TBC1D32: variants seen among roughly 807,000 people sequenced by gnomAD.
TBC1D32 encodes TBC1 domain family member 32, also known as protein broad-minded.
TBC1D32 carries 151 observed loss-of-function variants against 170.3 expected under a neutral mutation model. That is an observed-to-expected ratio of 0.89 (90% CI 0.78 to 1.01). The LOEUF is 1.01. Among genes scored for constraint, TBC1D32 ranks in the 50% least tolerant of loss-of-function variants. The probability of loss-of-function intolerance (pLI) is 0.00; values close to 1 mark genes in which losing one functional copy is unlikely to be tolerated. For synonymous variants in TBC1D32, 498 were observed against 488.0 expected (o/e 1.02, Z -0.27); for missense variants, 1,464 against 1,457.1 (o/e 1.00, Z -0.08).
Position 121,115,219 on chromosome 6 carries a change from A to G in TBC1D32, c.3006T>C (p.Asn1002=). 6.2e-7 allele frequency: 1 copy of G among 1,600,656 alleles called. No individual in the cohort carries two copies. Among genetic ancestry groups the G allele is most frequent in the Non-Finnish European group, 8.5e-7 (1 of 1,171,934 alleles). The change falls in exon 27 of 32, where the codon AAT becomes AAC. Residue 1002 remains asparagine (N), a synonymous_variant. Transcript: ENST00000398212. ...EYTATDANVK[N]ESLSSVQQLG... is the part of the protein sequence containing the mutation. Reference sequence around the variant, plus strand: ...GCTGCTGCACAGATGAAAGACTTTCATTCTTCACATTTGCATCAGTAGCTA... The same window carrying G: ...GCTGCTGCACAGATGAAAGACTTTCGTTCTTCACATTTGCATCAGTAGCTA...
chr6:121,213,543 T>C, intron 21 of TBC1D32, among the ~76,000 whole-genome samples: 1 of 104,204 alleles, frequency 9.6e-6, no homozygotes, highest in Admixed American at 9.5e-5. Context: ...TAAAATAAAA[T>C]AAAATAAAAT....
At chr6:121,103,683 T>C (rs1434360688) in intron 30 of TBC1D32, among the ~76,000 whole-genome samples, 2 of 151,844 alleles carry the variant, frequency 1.3e-5, no homozygotes, top group South Asian at 2.1e-4. Flanking sequence ...TGTATACATA[T>C]ATAACAAACC....
At chr6:121,320,819 T>G (rs894172485) in intron 2 of TBC1D32, among the ~76,000 whole-genome samples, 2 of 152,176 alleles carry the variant, frequency 1.3e-5, no homozygotes, top group African/African-American at 4.8e-5. Context: ...ATACAGTCAT[T>G]AATATAAGCT....
intron 28 of TBC1D32, 37 bp from the exon 29 acceptor site, chr6:121,112,696 G>A (rs1452932804): frequency 4.1e-6 from 6 of 1,453,276 alleles, no homozygotes; most frequent in Non-Finnish European, 5.5e-6. Flanking sequence ...ACAATATTTT[G>A]TAAGATAAAA....
rs182549460 is a variant in TBC1D32, at chr6:121,126,405, A to G, written c.2956T>C (p.Cys986Arg). Residue 986 changes from cysteine (C) to arginine (R), a missense_variant, in exon 26 of 32, where the codon TGC (cysteine) becomes CGC (arginine). Around this residue, in one of 3 missense-constraint regions of TBC1D32, gnomAD observed 1,363 missense variants for 1,338.1 expected, o/e 1.02. Transcript: ENST00000398212. The stretch of plus-strand genomic sequence containing the variant: ...GTATACTCCACTGAAGGGAAGTAGC[A>G]TTCAGATGGGCTTTCAGTGAGATGA... ...VLHLTESPSECYFPSVEYTAT... is the reference protein window; with the variant it reads ...VLHLTESPSERYFPSVEYTAT... 34 of 1,612,936 alleles carry G rather than the reference A, an allele frequency of 2.1e-5. No individual in the cohort carries two copies. Among genetic ancestry groups the G allele is most frequent in the Admixed American group, 6.7e-5 (4 of 59,902 alleles).
At position 121,151,231 on chromosome 6, in the gene TBC1D32, C is replaced by T. The variant is rs1784170911; in HGVS notation, c.2773+8779G>A. On this transcript the variant is annotated intron_variant, in intron 24 of 31. Transcript: ENST00000398212. ...ATTCTCATTGGTTTCAAAGAATTTA[C>T]TTGTTACTGCCTAAATTTTATTATT... 2.6e-5 allele frequency among the ~76,000 whole-genome samples: 4 copies of T among 152,024 alleles called. No homozygotes were observed. The South Asian group carries it at 8.3e-4, about 31-fold the overall frequency.
chr6:121,232,194 T>C (rs1389423158), intron 20 of TBC1D32, among the ~76,000 whole-genome samples: 3 of 152,106 alleles, frequency 2.0e-5, no homozygotes, highest in Non-Finnish European at 4.4e-5. Flanking sequence ...TACTTACCAC[T>C]TTATGTTTTT....
chr6:121,172,541 A>G (rs1490082551), intron 22 of TBC1D32, among the ~76,000 whole-genome samples: 1 of 152,118 alleles, frequency 6.6e-6, no homozygotes, highest in East Asian at 1.9e-4. Flanking sequence ...GGTTTGGGTC[A>G]CTCCACCAGG....
In TBC1D32 at chr6:121,131,670, A is replaced by T. The variant is rs575043241; in HGVS notation, c.2856T>A (p.Phe952Leu). 3 of 1,611,870 alleles carry T rather than the reference A, an allele frequency of 1.9e-6. No individual in the cohort carries two copies. In the South Asian group the frequency reaches 3.3e-5, roughly 18 times the overall value. ...TEWIENCQRQ[F>L]CKMMKAKPDI... ...CAGGTTTGGCTTTCATCATTTTGCA[A>T]AATTGTCTTTGGCAGTTTTCTATCC... The change falls in exon 25 of 32, where the codon TTT (phenylalanine) becomes TTA (leucine). Residue 952 changes from phenylalanine to leucine, a missense_variant. Around this residue, in one of 3 missense-constraint regions of TBC1D32, gnomAD observed 1,363 missense variants for 1,338.1 expected, o/e 1.02. Transcript: ENST00000398212.
At chr6:121,104,958 T>A (rs1778539520) in intron 30 of TBC1D32, among the ~76,000 whole-genome samples, 1 of 151,820 alleles carries the variant, frequency 6.6e-6, no homozygotes, top group Non-Finnish European at 1.5e-5. Flanking sequence ...GTTAATTAAC[T>A]TTTTAGAGGA....
At chr6:121,301,681 T>C (rs1029401400) in intron 9 of TBC1D32, among the ~76,000 whole-genome samples, 2 of 152,070 alleles carry the variant, frequency 1.3e-5, no homozygotes, top group South Asian at 2.1e-4. Context: ...GAACTTAAAG[T>C]ATAGTAAAAA....
At chr6:121,083,605 T>C (rs575983133) in intron 31 of TBC1D32, among the ~76,000 whole-genome samples, 70 of 152,242 alleles carry the variant, frequency 4.6e-4, no homozygotes, top group Middle Eastern at 3.4e-3. Flanking sequence ...CTTTTAACTA[T>C]TGAGAGCATT....
At chr6:121,253,495 G>A (rs1245913164) in intron 17 of TBC1D32, among the ~76,000 whole-genome samples, 1 of 152,164 alleles carries the variant, frequency 6.6e-6, no homozygotes, top group Non-Finnish European at 1.5e-5. Context: ...GAGGCGGGCG[G>A]ATCACGAGGT....
intron 15 of TBC1D32, among the ~76,000 whole-genome samples, chr6:121,261,790 C>T (rs114085229): frequency 0.033 from 4,990 of 152,202 alleles, 194 homozygotes; most frequent in East Asian, 0.12. Flanking sequence ...GATGGATGAA[C>T]TGACAGAAGT....
intron 22 of TBC1D32, among the ~76,000 whole-genome samples, chr6:121,185,183 T>C (rs560806628): frequency 6.6e-6 from 1 of 152,138 alleles, no homozygotes; most frequent in Admixed American, 6.6e-5. Flanking sequence ...TTCAAAATTT[T>C]CCCTCTTTGA....
chr6:121,132,778 G>A (rs1273735), intron 24 of TBC1D32, among the ~76,000 whole-genome samples: 151,621 of 152,060 alleles, frequency 1, 75,593 homozygotes, highest in Middle Eastern at 1. Flanking sequence ...CCATTTAATT[G>A]CATAGCTTTA....
intron 1 of TBC1D32, among the ~76,000 whole-genome samples, chr6:121,323,893 T>C (rs912757149): frequency 3.9e-5 from 6 of 152,082 alleles, no homozygotes; most frequent in Admixed American, 3.3e-4. Context: ...TGAGCCAAGA[T>C]TGCGCCACTG....
intron 26 of TBC1D32, among the ~76,000 whole-genome samples, chr6:121,123,779 G>A (rs1780531882): frequency 6.6e-6 from 1 of 151,560 alleles, no homozygotes; most frequent in African/African-American, 2.4e-5. Context: ...ACTAGTTATT[G>A]TGTGACTCCT....
At chr6:121,131,481 G>C (rs1253963546) in intron 25 of TBC1D32, 146 bp downstream of exon 25, 2 of 760,432 alleles carry the variant, frequency 2.6e-6, no homozygotes, top group Non-Finnish European at 3.9e-6. Flanking sequence ...TGTTCTCTCA[G>C]GATCCCAATT....
Sources: gnomAD v4.1 joint callset for allele counts (sites outside exome capture counted in the v4.1 genomes callset) on GRCh38, gnomAD v4.1.1 for gene constraint, gnomAD v4.1.1 regional missense constraint, MANE v1.5 for transcripts, NCBI Gene and HGNC (gene_info 2026-07-23, HGNC 2026-07-21) for gene names.